ASZ1: variants seen among roughly 807,000 people sequenced by gnomAD.
ASZ1 encodes the protein ankyrin repeat, SAM and basic leucine zipper domain-containing protein 1.
ASZ1 carries 67 observed loss-of-function variants against 61.8 expected under a neutral mutation model. That is an observed-to-expected ratio of 1.08 (90% CI 0.89 to 1.33). The LOEUF (loss-of-function observed/expected upper bound fraction) is 1.33. ASZ1 is among the 40% of genes most tolerant of loss of function. The pLI is 0.00. For missense variants in ASZ1, 577 were observed against 554.5 expected, an observed-to-expected ratio of 1.04 and a Z score of -0.41; for synonymous variants, 193 against 192.7, an observed-to-expected ratio of 1.00 and a Z score of -0.01.
rs1796215931 is a variant in ASZ1 at position 117,379,839 on chromosome 7, G to A, written c.1055+99C>T. On this transcript the variant is annotated intron_variant, in intron 10 of 12. Coordinates refer to ENST00000284629, the MANE Select transcript of ASZ1 (RefSeq NM_130768.3). ...AAATCTATTACCCTGGGAAAATGAT[G>A]GTATCAAGTAAAATGACTCAGACAT... 2 of 697,880 alleles carry A rather than the reference G, an allele frequency of 2.9e-6. 1 individual carries two copies. The allele number at this position is 697,880 out of a possible 1,614,324, so 43.2% of individuals were successfully genotyped here.
chr7:117,383,011 C>G lies in ASZ1; in HGVS notation c.787G>C (p.Asp263His), dbSNP rs1796283389. 3 of 1,582,616 alleles carry G rather than the reference C, an allele frequency of 1.9e-6. No individual in the cohort carries two copies. Among genetic ancestry groups the G allele is most frequent in the Admixed American group, 1.8e-5 (1 of 54,176 alleles). Reference protein sequence around the residue: ...TICKILTTDSDREKDHIFSSY... With the variant: ...TICKILTTDSHREKDHIFSSY... ...CTAAAAATGTGATCTTTTTCTCTAT[C>G]AGAATCTGTTGTCAATATTTTACAA... The change falls in exon 7 of 13, where the codon GAT becomes CAT. Residue 263 changes from aspartate to histidine, a missense_variant. Asp to His is a moderately conservative substitution (Grantham distance 81, BLOSUM62 -1). Transcript: ENST00000284629.
rs17139765 is a variant in ASZ1, at chr7:117,380,927, G to A, written c.945+84C>T. 5,761 of 1,184,846 alleles carry A rather than the reference G, an allele frequency of 4.9e-3. 204 individuals are homozygous for A. In the African/African-American group the frequency reaches 0.08, roughly 16 times the overall value. 73.4% of individuals were successfully genotyped at this position (1,184,846 alleles called of 1,614,324 possible). The stretch of plus-strand genomic sequence containing the variant: ...GATCAATCTTTTGTCTATAGCCCTG[G>A]CATTTTAAAAAGAGAGAAGAAAAGG... On this transcript the variant is annotated intron_variant, in intron 9 of 12. Coordinates refer to ENST00000284629, the MANE Select transcript of ASZ1 (RefSeq NM_130768.3).
chr7:117,366,000 A>C (rs1217023299), intron 12 of ASZ1, among the ~76,000 whole-genome samples: 1 of 152,240 alleles, frequency 6.6e-6, no homozygotes. Flanking sequence ...GCAATGGCGC[A>C]CACCAGTAAT....
intron 4 of ASZ1, among the ~76,000 whole-genome samples, chr7:117,409,833 T>C (rs991012349): frequency 6.6e-6 from 1 of 151,738 alleles, no homozygotes; most frequent in Non-Finnish European, 1.5e-5. Flanking sequence ...AGAAAAATAT[T>C]GTTCTCTCTC....
chr7:117,379,796 A>G, intron 10 of ASZ1, 142 bp downstream of exon 10: 1 of 505,616 alleles, frequency 2.0e-6, no homozygotes, highest in Non-Finnish European at 3.4e-6. Flanking sequence ...ATCTAATTTC[A>G]GAACACAGTA....
intron 10 of ASZ1, among the ~76,000 whole-genome samples, chr7:117,376,231 T>C (rs1796134408): frequency 6.6e-6 from 1 of 152,066 alleles, no homozygotes; most frequent in African/African-American, 2.4e-5. Context: ...AAACCACACA[T>C]TACCAAAACT....
In ASZ1 at chr7:117,383,093, A is replaced by G; in HGVS notation, c.705T>C (p.Ser235=). 6.4e-7 allele frequency: 1 copy of G among 1,567,508 alleles called. No homozygotes were observed. Among genetic ancestry groups the G allele is most frequent in the Non-Finnish European group, 8.6e-7 (1 of 1,160,542 alleles). Residue 235 remains serine (S), a synonymous_variant, in exon 7 of 13, where the codon TCT becomes TCC. Transcript: ENST00000284629. ...NKHHEIFNLL[S]FTLNPLEGKL... ...TTCCTTCCAATGGATTTAAAGTAAA[A>G]GAAAGTAAGTTGAAGATCTGAAAAA...
intron 4 of ASZ1, among the ~76,000 whole-genome samples, chr7:117,406,501 C>T (rs1796784550): frequency 6.6e-6 from 1 of 152,076 alleles, no homozygotes; most frequent in African/African-American, 2.4e-5. Flanking sequence ...TTTCTATAAT[C>T]CCAGCACTTT....
intron 4 of ASZ1, among the ~76,000 whole-genome samples, chr7:117,407,666 T>C (rs533724979): frequency 9.2e-5 from 14 of 152,304 alleles, no homozygotes; most frequent in African/African-American, 3.4e-4. Flanking sequence ...TCAAAATATC[T>C]TATTGTACTA....
At chr7:117,397,507 A>C (rs1183800347) in intron 4 of ASZ1, among the ~76,000 whole-genome samples, 2 of 152,226 alleles carry the variant, frequency 1.3e-5, no homozygotes. Context: ...TAGTGCTGTC[A>C]CTATGTATGT....
chr7:117,424,833 C>A (rs541254553), intron 2 of ASZ1, among the ~76,000 whole-genome samples: 2 of 152,184 alleles, frequency 1.3e-5, no homozygotes, highest in Non-Finnish European at 2.9e-5. Context: ...GTTCCATTGT[C>A]CAAAAAGTCA....
intron 4 of ASZ1, among the ~76,000 whole-genome samples, chr7:117,407,850 C>T (rs996122207): frequency 6.6e-6 from 1 of 152,132 alleles, no homozygotes; most frequent in South Asian, 2.1e-4. Flanking sequence ...CCTACATTAT[C>T]AAGCCACGAC....
At chr7:117,419,397 A>G (rs1159599059) in intron 4 of ASZ1, among the ~76,000 whole-genome samples, 1 of 152,216 alleles carries the variant, frequency 6.6e-6, no homozygotes, top group Non-Finnish European at 1.5e-5. Flanking sequence ...CAATTTAGAA[A>G]AAAACTTCCA....
chr7:117,375,907 C>G (rs1796127246), intron 10 of ASZ1, among the ~76,000 whole-genome samples: 1 of 151,686 alleles, frequency 6.6e-6, no homozygotes, highest in South Asian at 2.1e-4. Context: ...ATTTCTGCCT[C>G]AAGAATCTAG....
chr7:117,402,808 C>T (rs1796705032), intron 4 of ASZ1, among the ~76,000 whole-genome samples: 1 of 152,126 alleles, frequency 6.6e-6, no homozygotes, highest in South Asian at 2.1e-4. Flanking sequence ...TTTAGTCTTA[C>T]CCAACCAGAT....
At chr7:117,417,761 G>A (rs1204244248) in intron 4 of ASZ1, among the ~76,000 whole-genome samples, 2 of 152,024 alleles carry the variant, frequency 1.3e-5, no homozygotes, top group African/African-American at 4.8e-5. Context: ...TAGTTTTTCA[G>A]GTTATTTCTC....
At position 117,368,653 on chromosome 7, in the gene ASZ1, C is replaced by G. The variant is rs1161631942; in HGVS notation, c.1120G>C (p.Val374Leu). The change falls in exon 11 of 13, where the codon GTA becomes CTA. Residue 374 changes from valine to leucine, a missense_variant. Transcript: ENST00000284629. ...NKQCGHLITA[V>L]QNVITELPVN... ...GGTAACTCAGTAATAACATTCTGTA[C>G]AGCTGTTATTAAATGGCCACACTGT... The G allele has an allele frequency of 6.2e-7, 1 of 1,612,694 alleles. No homozygotes were observed. The highest frequency in any genetic ancestry group is 1.3e-5 in the African/African-American group (1 of 74,850).
chr7:117,425,943 G>A (rs940714469), intron 2 of ASZ1, among the ~76,000 whole-genome samples: 3 of 151,972 alleles, frequency 2.0e-5, no homozygotes, highest in African/African-American at 7.2e-5. Flanking sequence ...TGCAGTGAGC[G>A]AAGATGGTGC....
In ASZ1 at chr7:117,375,594, A is replaced by C. The variant is rs548354283; in HGVS notation, c.1055+4344T>G. On this transcript the variant is annotated intron_variant, in intron 10 of 12. Coordinates refer to ENST00000284629, the MANE Select transcript of ASZ1 (RefSeq NM_130768.3). Reference sequence around the variant, plus strand: ...ATGTCTCCATCTAGCCACCAGTCACATGTAGCTACCGAACCCTTGAAATCA... The same window carrying C: ...ATGTCTCCATCTAGCCACCAGTCACCTGTAGCTACCGAACCCTTGAAATCA... Among the ~76,000 whole-genome samples the C allele has an allele frequency of 2.0e-5, 3 of 152,188 alleles. No individual in the cohort carries two copies. The East Asian group carries it at 5.8e-4, about 29-fold the overall frequency.
Sources: allele counts gnomAD v4.1 joint callset (sites outside exome capture counted in the v4.1 genomes callset), GRCh38; gene constraint gnomAD v4.1.1; transcripts MANE v1.5; gene names NCBI Gene and HGNC (gene_info 2026-07-23, HGNC 2026-07-21).